The following KIAA1217 variants were observed in gnomAD, a reference collection of about 807,000 sequenced individuals.
KIAA1217 encodes the protein KIAA1217, also known as sickle tail protein homolog.
KIAA1217 carries 88 observed loss-of-function variants against 163.9 expected under a neutral mutation model. The ratio of observed to expected loss-of-function variants is 0.54; its 90% CI spans 0.45 to 0.64. The LOEUF (loss-of-function observed/expected upper bound fraction) is 0.64, where lower values mean the gene tolerates loss of function less well. KIAA1217 is among the 30% of genes least tolerant of loss of function. The pLI is 0.00. For synonymous variants in KIAA1217, 903 were observed against 923.1 expected, an observed-to-expected ratio of 0.98 and a Z score of 0.39; for missense variants, 2,372 against 2,475.0, an observed-to-expected ratio of 0.96 and a Z score of 0.88.
chr10:23,948,834 C>G (rs1290378063), intron 1 of KIAA1217, among the ~76,000 whole-genome samples: 3 of 151,968 alleles, frequency 2.0e-5, no homozygotes, highest in African/African-American at 7.3e-5. Flanking sequence ...CATTTAAAAC[C>G]TGGTTATTAA....
At chr10:24,177,937 A>C (rs1359388337) in intron 2 of KIAA1217, among the ~76,000 whole-genome samples, 4 of 152,208 alleles carry the variant, frequency 2.6e-5, no homozygotes, top group Non-Finnish European at 5.9e-5. Context: ...TGTTTGCTGG[A>C]TCCTTTATCT....
At chr10:23,863,595 C>T (rs1028100158) in intron 1 of KIAA1217, among the ~76,000 whole-genome samples, 3 of 152,140 alleles carry the variant, frequency 2.0e-5, no homozygotes, top group Non-Finnish European at 4.4e-5. Context: ...GTGCTGACAC[C>T]TTGATTTGTA....
At position 24,104,625 on chromosome 10, in the gene KIAA1217, A is replaced by T. The variant is rs548069912; in HGVS notation, c.-171+97251A>T. Among the ~76,000 whole-genome samples the T allele has an allele frequency of 9.8e-5, 15 of 152,338 alleles. No homozygotes were observed. In the East Asian group the frequency reaches 1.4e-3, roughly 14 times the overall value. ...TCATACATTTGTCAAAACCTACAGC[A>T]TGTACCATGCCAAGAGAGCATCCTA... On this transcript the variant is annotated intron_variant, in intron 2 of 18. Coordinates refer to the KIAA1217 transcript ENST00000376462.
rs554419508 is a variant in KIAA1217 at position 24,293,434 on chromosome 10, C to G, written c.354+73525C>G. ...CTTGACCTTGCTGCCTCTGCAGGCA[C>G]TGCCCCGCCCCGGCCCTTCCACTCT... On this transcript the variant is annotated intron_variant, in intron 2 of 20. Coordinates refer to ENST00000376454, the MANE Select transcript of KIAA1217 (RefSeq NM_019590.5). Among the ~76,000 whole-genome samples the G allele has an allele frequency of 2.6e-5, 4 of 152,350 alleles. No homozygotes were observed. In the South Asian group the frequency reaches 8.3e-4, roughly 32 times the overall value.
intron 2 of KIAA1217, among the ~76,000 whole-genome samples, chr10:24,166,897 A>C (rs984794150): frequency 5.3e-5 from 8 of 152,220 alleles, no homozygotes; most frequent in African/African-American, 1.7e-4. Context: ...TGTATCAACA[A>C]CAAAAAAATT....
chr10:24,052,011 G>A lies in KIAA1217; in HGVS notation c.-171+44637G>A, dbSNP rs1362549670. ...TGTTGCATTTACTTTTTGATTCTTG[G>A]TCATGAACTCTACCTAAGCCAATTG... On this transcript the variant is annotated intron_variant, in intron 2 of 18. Transcript: ENST00000376462. Among the ~76,000 whole-genome samples the A allele has an allele frequency of 4.6e-5, 7 of 152,026 alleles. 1 individual carries two copies. The highest frequency in any genetic ancestry group is 4.2e-4 in the South Asian group (2 of 4,808).
chr10:23,924,596 C>T (rs1046054139), intron 1 of KIAA1217, among the ~76,000 whole-genome samples: 4 of 152,108 alleles, frequency 2.6e-5, no homozygotes, highest in South Asian at 2.1e-4. Context: ...CTCAAGGAAA[C>T]GTTCAAAGTC....
At chr10:24,136,894 C>G (rs1212726102) in intron 2 of KIAA1217, among the ~76,000 whole-genome samples, 4 of 152,140 alleles carry the variant, frequency 2.6e-5, no homozygotes, top group Non-Finnish European at 5.9e-5. Context: ...TAGCTGTTTA[C>G]AAAAGCATTA....
At chr10:24,519,751 CTCTCTCTT>C (rs1278029097) in intron 10 of KIAA1217, among the ~76,000 whole-genome samples, 2 of 150,804 alleles carry the variant, frequency 1.3e-5, no homozygotes, top group African/African-American at 2.5e-5. Flanking sequence ...GTCTCCCTCT[CTCTCTCTT>C]TCTCTCTTTC....
intron 10 of KIAA1217, among the ~76,000 whole-genome samples, chr10:24,516,728 A>G (rs2070236328): frequency 6.6e-6 from 1 of 152,234 alleles, no homozygotes. Context: ...ATGGGAAGCT[A>G]CTGTATCCGT....
At chr10:24,144,704 G>A (rs1302324595) in intron 2 of KIAA1217, among the ~76,000 whole-genome samples, 2 of 152,172 alleles carry the variant, frequency 1.3e-5, no homozygotes, top group Non-Finnish European at 2.9e-5. Context: ...TGAAATGGCA[G>A]GATCTGGAGT....
chr10:23,898,818 G>A (rs1020787016), intron 1 of KIAA1217, among the ~76,000 whole-genome samples: 2 of 151,966 alleles, frequency 1.3e-5, no homozygotes, highest in Non-Finnish European at 2.9e-5. Context: ...CATTTAAAGT[G>A]GAATCATACA....
intron 16 of KIAA1217, among the ~76,000 whole-genome samples, chr10:24,535,262 G>GC (rs1432394899): frequency 6.6e-6 from 1 of 152,190 alleles, no homozygotes; most frequent in Non-Finnish European, 1.5e-5. Flanking sequence ...CTAAGGAACA[G>GC]CAAGGAGACC....
chr10:24,112,567 T>C (rs1255581357), intron 2 of KIAA1217, among the ~76,000 whole-genome samples: 2 of 152,098 alleles, frequency 1.3e-5, no homozygotes, highest in South Asian at 2.1e-4. Context: ...CTCCAATGAC[T>C]AGTGCTCTTT....
Position 24,543,526 on chromosome 10 carries a change from G to C in KIAA1217, c.4256G>C (p.Arg1419Thr). ...EDIQTVNIDA[R>T]KEMTPRQEGT... ...ATACAGACGGTTAATATCGATGCCA[G>C]AAAAGAGATGACCCCCCGACAAGAA... Residue 1419 changes from arginine (R) to threonine (T), a missense_variant, in exon 19 of 21, where the codon AGA (arginine) becomes ACA (threonine). This residue lies in a region of KIAA1217 where 690 missense variants were observed against 677.5 expected (regional missense o/e 1.02). Transcript: ENST00000376454. 2 of 1,614,116 alleles carry C rather than the reference G, an allele frequency of 1.2e-6. No individual in the cohort carries two copies. Among genetic ancestry groups the C allele is most frequent in the Non-Finnish European group, 1.7e-6 (2 of 1,180,028 alleles).
intron 1 of KIAA1217, among the ~76,000 whole-genome samples, chr10:23,818,048 CACATATATAT>C (rs1837422339): frequency 9.3e-6 from 1 of 106,982 alleles, no homozygotes; most frequent in Non-Finnish European, 1.8e-5. Flanking sequence ...CATATATATA[CACATATATAT>C]ACATATATAT....
At chr10:23,767,850 C>T (rs935530088) in intron 1 of KIAA1217, among the ~76,000 whole-genome samples, 4 of 152,120 alleles carry the variant, frequency 2.6e-5, no homozygotes, top group Admixed American at 6.5e-5. Context: ...TCCTATACCC[C>T]CATGCAAACC....
At chr10:23,948,052 A>T (rs1589128752) in intron 1 of KIAA1217, among the ~76,000 whole-genome samples, 1 of 152,154 alleles carries the variant, frequency 6.6e-6, no homozygotes, top group South Asian at 2.1e-4. Flanking sequence ...ACACAAAATT[A>T]TATTAGCTAT....
Position 24,513,359 on chromosome 10 carries a change from A to G in KIAA1217, c.2102A>G (p.Gln701Arg), listed in dbSNP as rs374086604. ...ATGAAGAGACTGGAGGATCCCGTGC[A>G]GCGACAGCGCGTCCTAGTGGAGCAA... ...ETMKRLEDPV[Q>R]RQRVLVEQER... The change falls in exon 10 of 21, where the codon CAG (glutamine) becomes CGG (arginine). Residue 701 changes from glutamine (Q) to arginine (R), a missense_variant. Gln to Arg is a conservative substitution (Grantham distance 43, BLOSUM62 1). Around this residue, in one of 3 missense-constraint regions of KIAA1217, gnomAD observed 1,431 missense variants for 1,470.3 expected, o/e 0.97. Transcript: ENST00000376454. The G allele has an allele frequency of 1.5e-5, 24 of 1,614,126 alleles. No homozygotes were observed. The highest frequency in any genetic ancestry group is 1.9e-5 in the Non-Finnish European group (22 of 1,180,044).
Sources: gnomAD v4.1 joint callset for allele counts (sites outside exome capture counted in the v4.1 genomes callset) on GRCh38, gnomAD v4.1.1 for gene constraint, gnomAD v4.1.1 regional missense constraint, MANE v1.5 for transcripts, NCBI Gene and HGNC (gene_info 2026-07-23, HGNC 2026-07-21) for gene names.